Variants in GRM1 observed in about 807,000 individuals in gnomAD.
GRM1 encodes glutamate metabotropic receptor 1.
A neutral mutation model predicts 90.9 loss-of-function variants in GRM1; 33 were observed. The ratio of observed to expected loss-of-function variants is 0.36; its 90% CI spans 0.28 to 0.49. GRM1 has a LOEUF of 0.49. Among genes scored for constraint, GRM1 ranks in the 20% least tolerant of loss-of-function variants. GRM1 has a pLI of 0.99. For synonymous variants in GRM1, 700 were observed against 613.2 expected, an observed-to-expected ratio of 1.14 and a Z score of -2.09; for missense variants, 1,190 against 1,534.3, an observed-to-expected ratio of 0.78 and a Z score of 3.75.
chr6:146,139,988 TTCCCTCCG>T (rs1776787880), intron 1 of GRM1, among the ~76,000 whole-genome samples: 1 of 126,284 alleles, frequency 7.9e-6, no homozygotes, highest in African/African-American at 3.0e-5. Flanking sequence ...TTCCCTCCGC[TTCCCTCCG>T]CTTCCCTCCC....
rs568186471 is a variant in GRM1, at chr6:146,112,953, G to A, written c.701-46395G>A. 1.1e-4 allele frequency among the ~76,000 whole-genome samples: 16 copies of A among 152,260 alleles called. No homozygotes were observed. In the South Asian group the frequency reaches 3.3e-3, roughly 32 times the overall value. On this transcript the variant is annotated intron_variant, in intron 1 of 7. Transcript: ENST00000282753. Reference sequence around the variant, plus strand: ...ACTTTGGAAACAATCAATAGACAGGGTAAAACTTTAATAAGTTAAAGGCAA... The same window carrying A: ...ACTTTGGAAACAATCAATAGACAGGATAAAACTTTAATAAGTTAAAGGCAA...
chr6:146,364,108 A>G (rs1214376874), intron 5 of GRM1, among the ~76,000 whole-genome samples: 2 of 152,188 alleles, frequency 1.3e-5, no homozygotes, highest in Non-Finnish European at 2.9e-5. Context: ...TGGGTTGACG[A>G]TTTTATACTC....
chr6:146,361,786 C>T (rs1775486040), intron 5 of GRM1, among the ~76,000 whole-genome samples: 1 of 152,212 alleles, frequency 6.6e-6, no homozygotes. Context: ...CTGTTATCAT[C>T]CCACGGACAC....
chr6:146,213,492 A>C (rs2114652906), intron 2 of GRM1, among the ~76,000 whole-genome samples: 1 of 152,328 alleles, frequency 6.6e-6, no homozygotes, highest in Non-Finnish European at 1.5e-5. Context: ...ATCAGAAGGT[A>C]ATGGATGTTT....
chr6:146,160,217 CA>C (rs1777673872), intron 2 of GRM1, among the ~76,000 whole-genome samples: 2 of 152,146 alleles, frequency 1.3e-5, no homozygotes, highest in Non-Finnish European at 2.9e-5. Flanking sequence ...TGAAGATATG[CA>C]ACGGAACTGT....
At chr6:146,252,187 G>A (rs1345886006) in intron 2 of GRM1, among the ~76,000 whole-genome samples, 1 of 152,112 alleles carries the variant, frequency 6.6e-6, no homozygotes, top group Non-Finnish European at 1.5e-5. Flanking sequence ...GCCTTGAAAA[G>A]AGTAAGCAGC....
chr6:146,063,395 TG>T (rs1775738925), intron 1 of GRM1, among the ~76,000 whole-genome samples: 1 of 152,204 alleles, frequency 6.6e-6, no homozygotes, highest in South Asian at 2.1e-4. Flanking sequence ...ATTATTGAAT[TG>T]AATATTCAAT....
intron 5 of GRM1, among the ~76,000 whole-genome samples, chr6:146,361,680 A>T (rs917567682): frequency 2.6e-5 from 4 of 152,202 alleles, no homozygotes; most frequent in African/African-American, 9.6e-5. Flanking sequence ...CCCATTTTAT[A>T]GACGAGGGAA....
At chr6:146,102,390 A>G (rs1022371278) in intron 1 of GRM1, among the ~76,000 whole-genome samples, 3 of 152,234 alleles carry the variant, frequency 2.0e-5, no homozygotes, top group Admixed American at 2.0e-4. Flanking sequence ...TCCCAGGTCA[A>G]TATTTACAAA....
At chr6:146,419,492 G>A (rs752306143) in intron 7 of GRM1, among the ~76,000 whole-genome samples, 20 of 152,132 alleles carry the variant, frequency 1.3e-4, no homozygotes, top group Non-Finnish European at 2.6e-4. Flanking sequence ...CACTAATAGT[G>A]CAAATTTGCC....
intron 7 of GRM1, among the ~76,000 whole-genome samples, chr6:146,408,434 A>G (rs1777436146): frequency 6.6e-6 from 1 of 152,162 alleles, no homozygotes; most frequent in Non-Finnish European, 1.5e-5. Flanking sequence ...CTTATCTCAT[A>G]GGGTTCTGAG....
At chr6:146,049,718 C>G (rs1188051907) in intron 1 of GRM1, among the ~76,000 whole-genome samples, 2 of 151,678 alleles carry the variant, frequency 1.3e-5, no homozygotes, top group Admixed American at 6.6e-5. Context: ...CATGTTGGTT[C>G]TGTCCCTCTA....
intron 1 of GRM1, among the ~76,000 whole-genome samples, chr6:146,067,042 G>T (rs1775872644): frequency 6.6e-6 from 1 of 152,118 alleles, no homozygotes; most frequent in African/African-American, 2.4e-5. Flanking sequence ...ATGCTTACTA[G>T]AGAGTTCAGA....
At position 146,159,641 on chromosome 6, in the gene GRM1, T is replaced by TCTCTCTCTCTCACACACACA. The variant is rs372590505; in HGVS notation, c.950+45_950+46insTCTCTCTCTCACACACACAC. On this transcript the variant is annotated intron_variant, in intron 2 of 7. Coordinates refer to ENST00000282753, the MANE Select transcript of GRM1 (RefSeq NM_001278064.2). ...CTCTCTCTCTCTCTCTCTCTCTCTC[T>TCTCTCTCTCTCACACACACA]CACACACACACATGCACACACACAC... The TCTCTCTCTCTCACACACACA allele has an allele frequency of 2.6e-4, 188 of 728,434 alleles. No homozygotes were observed. In the East Asian group the frequency reaches 2.8e-3, roughly 11 times the overall value. The allele number at this position is 728,434 out of a possible 1,614,324, so 45.1% of individuals were successfully genotyped here. A position where few individuals can be genotyped will look rare whatever the true frequency, so the allele number is the denominator to read the frequency against.
intron 2 of GRM1, 163 bp downstream of exon 2, chr6:146,159,760 C>A: frequency 1.5e-6 from 1 of 646,072 alleles, no homozygotes; most frequent in Non-Finnish European, 2.7e-6. Flanking sequence ...AGTTCTGGAT[C>A]TCACTGTTAA....
intron 2 of GRM1, among the ~76,000 whole-genome samples, chr6:146,237,742 C>T (rs1486210682): frequency 2.0e-5 from 3 of 152,024 alleles, no homozygotes; most frequent in African/African-American, 7.2e-5. Context: ...CACAGTAAGA[C>T]CAAGCAGTGT....
chr6:146,378,196 G>C (rs1776182194), intron 5 of GRM1, among the ~76,000 whole-genome samples: 1 of 152,174 alleles, frequency 6.6e-6, no homozygotes, highest in African/African-American at 2.4e-5. Flanking sequence ...AGTGCAGAAG[G>C]AAAATGTGGG....
At position 146,029,192 on chromosome 6, in the gene GRM1, C is replaced by T. The variant is rs1790614813; in HGVS notation, c.-326C>T. On this transcript the variant is annotated 5_prime_UTR_variant, in exon 1 of 8. Transcript: ENST00000282753. Reference sequence around the variant, plus strand: ...GTTGTGATTTTTCTCTGTCTTTTGTCAGCAGCATCTAGCTCACCGCTGCCA... The same window carrying T: ...GTTGTGATTTTTCTCTGTCTTTTGTTAGCAGCATCTAGCTCACCGCTGCCA... 4.8e-6 allele frequency: 2 copies of T among 414,372 alleles called. No individual in the cohort carries two copies. Among genetic ancestry groups the T allele is most frequent in the African/African-American group, 4.1e-5 (2 of 49,332 alleles). The allele number at this position is 414,372 out of a possible 1,614,324, so 25.7% of individuals were successfully genotyped here. A position where few individuals can be genotyped will look rare whatever the true frequency, so the allele number is the denominator to read the frequency against.
Position 146,153,475 on chromosome 6 carries a change from T to A in GRM1, c.701-5873T>A, listed in dbSNP as rs968258647. ...TGCTGCACTCATGGGAATTTATATGTAAGTTTGGAGCCTTTTAGGTATCAT... is the reference window on the plus strand; with the variant it reads ...TGCTGCACTCATGGGAATTTATATGAAAGTTTGGAGCCTTTTAGGTATCAT... On this transcript the variant is annotated intron_variant, in intron 1 of 7. Transcript: ENST00000282753. Among the ~76,000 whole-genome samples, 5 of 152,336 alleles carry A rather than the reference T, an allele frequency of 3.3e-5. No individual in the cohort carries two copies. In the East Asian group the frequency reaches 9.6e-4, roughly 29 times the overall value.
Sources: allele counts gnomAD v4.1 joint callset (sites outside exome capture counted in the v4.1 genomes callset), GRCh38; gene constraint gnomAD v4.1.1; transcripts MANE v1.5; gene names NCBI Gene and HGNC (gene_info 2026-07-23, HGNC 2026-07-21).